Variants in MCTP2 observed in about 807,000 individuals in gnomAD.
MCTP2 encodes multiple C2 and transmembrane domain containing 2.
In MCTP2, 132 loss-of-function variants were observed where a neutral mutation model predicts 111.6. The ratio of observed to expected loss-of-function variants is 1.18; its 90% CI spans 1.03 to 1.37. The LOEUF (loss-of-function observed/expected upper bound fraction) is 1.37. Ranked by LOEUF, MCTP2 falls within the 40% of genes most tolerant of loss-of-function variation. The pLI is 0.00. For synonymous variants in MCTP2, 395 were observed against 387.7 expected, an observed-to-expected ratio of 1.02 and a Z score of -0.22; for missense variants, 1,183 against 1,067.9, an observed-to-expected ratio of 1.11 and a Z score of -1.50.
At chr15:94,362,461 C>A (rs1263832107) in intron 10 of MCTP2, among the ~76,000 whole-genome samples, 4 of 152,190 alleles carry the variant, frequency 2.6e-5, no homozygotes, top group Non-Finnish European at 4.4e-5. Context: ...CCTCCTCAGT[C>A]CCAGATGGTG....
intron 8 of MCTP2, 35 bp from the exon 9 acceptor site, chr15:94,356,102 G>C: frequency 1.4e-6 from 2 of 1,438,878 alleles, no homozygotes; most frequent in Non-Finnish European, 1.8e-6. Context: ...GGAATTAGAA[G>C]CAAGTTTACA....
At chr15:94,403,106 G>T in intron 17 of MCTP2, 18 of 986,440 alleles carry the variant, frequency 1.8e-5, no homozygotes, top group Non-Finnish European at 2.2e-5. Flanking sequence ...CCATTGGGGG[G>T]TATTTTGTTT....
At chr15:94,292,334 A>T (rs181960044) in intron 1 of MCTP2, among the ~76,000 whole-genome samples, 3 of 152,320 alleles carry the variant, frequency 2.0e-5, no homozygotes, top group Admixed American at 2.0e-4. Flanking sequence ...AAGGCATAGC[A>T]TATGGAGAGG....
chr15:94,405,195 G>A (rs1270156122), intron 17 of MCTP2, among the ~76,000 whole-genome samples: 1 of 152,194 alleles, frequency 6.6e-6, no homozygotes, highest in Non-Finnish European at 1.5e-5. Flanking sequence ...TACAGGAAGT[G>A]ATGCTAACAC....
intron 1 of MCTP2, among the ~76,000 whole-genome samples, chr15:94,271,454 C>T (rs902321825): frequency 2.0e-5 from 3 of 152,174 alleles, no homozygotes; most frequent in African/African-American, 7.2e-5. Flanking sequence ...ATCAGTAAAA[C>T]TACTTGTAGC....
chr15:94,435,643 T>C (rs958033962), intron 17 of MCTP2, among the ~76,000 whole-genome samples: 2 of 130,842 alleles, frequency 1.5e-5, no homozygotes, highest in Non-Finnish European at 3.4e-5. Flanking sequence ...TTTTTTTTTT[T>C]TTTTTTGAGA....
chr15:94,432,145 T>G (rs936736293), intron 17 of MCTP2, among the ~76,000 whole-genome samples: 14 of 152,148 alleles, frequency 9.2e-5, no homozygotes, highest in African/African-American at 2.9e-4. Flanking sequence ...TGTTCTTGTT[T>G]CAGTTTTAAC....
intron 19 of MCTP2, among the ~76,000 whole-genome samples, chr15:94,449,731 A>AT (rs1409517949): frequency 6.6e-5 from 10 of 152,188 alleles, no homozygotes; most frequent in Non-Finnish European, 2.9e-5. Context: ...CTTAATAATG[A>AT]TTTTTTAACT....
chr15:94,404,147 TA>T (rs2081768699), intron 17 of MCTP2, among the ~76,000 whole-genome samples: 1 of 152,212 alleles, frequency 6.6e-6, no homozygotes, highest in Admixed American at 6.5e-5. Flanking sequence ...TTCCCCTCCC[TA>T]AGTTGATGAA....
chr15:94,295,805 T>A (rs1470797350), intron 1 of MCTP2, among the ~76,000 whole-genome samples: 2 of 151,980 alleles, frequency 1.3e-5, no homozygotes, highest in African/African-American at 2.4e-5. Flanking sequence ...GTCCCAGCTA[T>A]TTGGGAGGCT....
At chr15:94,408,687 AT>A (rs764149914) in intron 17 of MCTP2, among the ~76,000 whole-genome samples, 10 of 152,202 alleles carry the variant, frequency 6.6e-5, no homozygotes, top group Non-Finnish European at 1.2e-4. Flanking sequence ...ACTATTAACT[AT>A]TTTAGCATAT....
At chr15:94,476,605 CAGATA>C in intron 21 of MCTP2, 86 bp from the exon 22 acceptor site, 2 of 637,280 alleles carry the variant, frequency 3.1e-6, no homozygotes, top group South Asian at 3.9e-5. Context: ...GATTGACTGA[CAGATA>C]GATAGATAGA....
Position 94,449,018 on chromosome 15 carries a change from G to A in MCTP2, c.2250+6058G>A, listed in dbSNP as rs369626469. Among the ~76,000 whole-genome samples the A allele has an allele frequency of 6.4e-4, 97 of 152,234 alleles. 1 individual carries two copies. The highest frequency in any genetic ancestry group is 5.0e-3 in the South Asian group (24 of 4,826). ...TCGTGCCACTGAATTCCAGCCTGGCGACAGAGCGAGACTCCATCTCAAAAT... is the reference window on the plus strand; with the variant it reads ...TCGTGCCACTGAATTCCAGCCTGGCAACAGAGCGAGACTCCATCTCAAAAT... On this transcript the variant is annotated intron_variant, in intron 19 of 22. Transcript: ENST00000357742.
At chr15:94,457,619 G>C (rs1210245508) in intron 19 of MCTP2, among the ~76,000 whole-genome samples, 2 of 152,162 alleles carry the variant, frequency 1.3e-5, no homozygotes, top group African/African-American at 4.8e-5. Context: ...CCAAAGGATG[G>C]ATGAAATGTC....
chr15:94,299,965 C>A (rs1165675168), intron 2 of MCTP2, among the ~76,000 whole-genome samples: 1 of 152,024 alleles, frequency 6.6e-6, no homozygotes, highest in Non-Finnish European at 1.5e-5. Context: ...ATTTTGTAAA[C>A]CTTTTTTGAC....
chr15:94,345,333 A>C (rs1212115547), intron 8 of MCTP2, among the ~76,000 whole-genome samples, 169 bp downstream of exon 8: 1 of 127,540 alleles, frequency 7.8e-6, no homozygotes, highest in African/African-American at 2.7e-5. Context: ...AATTTTATTT[A>C]ATAAGGGTAT....
intron 17 of MCTP2, among the ~76,000 whole-genome samples, chr15:94,431,430 T>A (rs988485650): frequency 1.3e-5 from 2 of 152,196 alleles, no homozygotes; most frequent in African/African-American, 4.8e-5. Flanking sequence ...TAATGAAAGG[T>A]CTTAACTGTT....
At chr15:94,397,396 T>A (rs2081333547) in intron 14 of MCTP2, among the ~76,000 whole-genome samples, 1 of 152,250 alleles carries the variant, frequency 6.6e-6, no homozygotes, top group Non-Finnish European at 1.5e-5. Context: ...GTACAATGAC[T>A]GTGCGTTGAA....
rs569541651 is a variant in MCTP2 at position 94,337,915 on chromosome 15, G to A, written c.638-1375G>A. 2.8e-4 allele frequency among the ~76,000 whole-genome samples: 42 copies of A among 152,208 alleles called. No individual in the cohort carries two copies. In the South Asian group the frequency reaches 8.5e-3, roughly 31 times the overall value. On this transcript the variant is annotated intron_variant, in intron 4 of 22. Transcript: ENST00000357742. ...CTTTTAAACCATGGCTGCTATTTTA[G>A]TTCGTAGTGATGTTAATGTCATTTC...
Sources: allele counts gnomAD v4.1 joint callset (sites outside exome capture counted in the v4.1 genomes callset), GRCh38; gene constraint gnomAD v4.1.1; transcripts MANE v1.5; gene names NCBI Gene and HGNC (gene_info 2026-07-23, HGNC 2026-07-21).